TLL1: variants seen among roughly 807,000 people sequenced by gnomAD.
The protein encoded by TLL1 is tolloid like 1, also known as tolloid-like protein 1.
A neutral mutation model predicts 128.2 loss-of-function variants in TLL1; 49 were observed. That is an observed-to-expected ratio of 0.38 (90% CI 0.30 to 0.48). The LOEUF (loss-of-function observed/expected upper bound fraction) is 0.48. TLL1 is among the 20% of genes least tolerant of loss of function. The pLI is 0.96. For missense variants in TLL1, 1,123 were observed against 1,242.0 expected, an observed-to-expected ratio of 0.90 and a Z score of 1.44; for synonymous variants, 454 against 418.8, an observed-to-expected ratio of 1.08 and a Z score of -1.03.
At chr4:165,924,798 C>A (rs1484267600) in intron 1 of TLL1, among the ~76,000 whole-genome samples, 1 of 152,180 alleles carries the variant, frequency 6.6e-6, no homozygotes, top group Non-Finnish European at 1.5e-5. Flanking sequence ...GACAGGCTGA[C>A]TCTTTTGTTA....
intron 16 of TLL1, among the ~76,000 whole-genome samples, chr4:166,066,286 A>G: frequency 6.6e-6 from 1 of 151,674 alleles, no homozygotes; most frequent in East Asian, 1.9e-4. Context: ...TTATAATTTT[A>G]CTAAATATAA....
At chr4:165,893,166 A>G (rs1561010632) in intron 1 of TLL1, among the ~76,000 whole-genome samples, 1 of 152,222 alleles carries the variant, frequency 6.6e-6, no homozygotes, top group Non-Finnish European at 1.5e-5. Context: ...ATTTCTTGAT[A>G]TAGGACTACA....
chr4:165,883,540 C>T (rs974635087), intron 1 of TLL1, among the ~76,000 whole-genome samples: 24 of 152,048 alleles, frequency 1.6e-4, no homozygotes, highest in African/African-American at 5.8e-4. Flanking sequence ...ATATTATAAT[C>T]CTCATGATGT....
chr4:166,057,427 A>T, intron 14 of TLL1, 118 bp downstream of exon 14: 1 of 1,415,474 alleles, frequency 7.1e-7, no homozygotes, highest in South Asian at 1.2e-5. Context: ...TCTTTCCTCA[A>T]TTAGTAAGAC....
intron 18 of TLL1, among the ~76,000 whole-genome samples, chr4:166,078,529 C>G (rs1034406364): frequency 5.3e-5 from 8 of 152,090 alleles, no homozygotes; most frequent in African/African-American, 1.9e-4. Flanking sequence ...GTACAAAGAT[C>G]CTGATTTCCT....
At chr4:166,004,881 G>T (rs79383702) in intron 6 of TLL1, among the ~76,000 whole-genome samples, 1,930 of 151,992 alleles carry the variant, frequency 0.013, 42 homozygotes, top group African/African-American at 0.044. Context: ...AGCAGGAAAA[G>T]TTCAGATTAA....
At chr4:165,957,415 T>C (rs1579540730) in intron 1 of TLL1, among the ~76,000 whole-genome samples, 1 of 151,948 alleles carries the variant, frequency 6.6e-6, no homozygotes, top group Non-Finnish European at 1.5e-5. Context: ...ACTTCAGCAC[T>C]CCACTAACAG....
At chr4:166,007,008 T>C (rs1162693272) in intron 6 of TLL1, among the ~76,000 whole-genome samples, 1 of 151,766 alleles carries the variant, frequency 6.6e-6, no homozygotes, top group Non-Finnish European at 1.5e-5. Flanking sequence ...GTTCCATTTT[T>C]AGCTCCAAAA....
intron 1 of TLL1, among the ~76,000 whole-genome samples, chr4:165,981,130 T>C (rs975616626): frequency 6.6e-6 from 1 of 152,068 alleles, no homozygotes; most frequent in African/African-American, 2.4e-5. Flanking sequence ...CAGATGATAA[T>C]TGCCTTCTTC....
chr4:165,895,386 A>T (rs1731622029), intron 1 of TLL1, among the ~76,000 whole-genome samples: 1 of 152,166 alleles, frequency 6.6e-6, no homozygotes, highest in African/African-American at 2.4e-5. Context: ...AACTGCCAAA[A>T]TTGCCATTGA....
rs200095408 is a variant in TLL1, at chr4:165,925,005, C to CA, written c.169+50940dup. On this transcript the variant is annotated intron_variant, in intron 1 of 20. Coordinates refer to ENST00000061240, the MANE Select transcript of TLL1 (RefSeq NM_012464.5). ...AGTCCACTGTGGAGACTTACTGCTC[C>CA]AAAAAAAAGATTCTTTTCAAAATAT... 3.1e-3 allele frequency among the ~76,000 whole-genome samples: 465 copies of CA among 151,878 alleles called. 1 individual carries two copies. The highest frequency in any genetic ancestry group is 0.011 in the African/African-American group (447 of 41,440).
intron 15 of TLL1, among the ~76,000 whole-genome samples, chr4:166,064,847 C>A (rs1740498422): frequency 6.6e-6 from 1 of 152,004 alleles, no homozygotes; most frequent in Non-Finnish European, 1.5e-5. Flanking sequence ...GCAGAAGAAC[C>A]AGTAATTTGA....
At chr4:165,952,805 TA>T (rs200105665) in intron 1 of TLL1, among the ~76,000 whole-genome samples, 1 of 151,872 alleles carries the variant, frequency 6.6e-6, no homozygotes, top group Non-Finnish European at 1.5e-5. Flanking sequence ...GTCAAAAAAA[TA>T]AAAAAATTTA....
chr4:165,933,105 C>G (rs1579505344), intron 1 of TLL1, among the ~76,000 whole-genome samples: 1 of 152,176 alleles, frequency 6.6e-6, no homozygotes, highest in Non-Finnish European at 1.5e-5. Flanking sequence ...ATGTATTTTT[C>G]AAGCCTACTT....
chr4:165,985,055 T>C (rs2111002893), intron 1 of TLL1, among the ~76,000 whole-genome samples: 1 of 152,140 alleles, frequency 6.6e-6, no homozygotes, highest in Admixed American at 6.6e-5. Context: ...AAAATGTGTA[T>C]ATTGAAGACC....
rs1735875744 is a variant in TLL1 at position 165,976,121 on chromosome 4, C to T, written c.170-13260C>T. 2.7e-5 allele frequency among the ~76,000 whole-genome samples: 4 copies of T among 149,722 alleles called. No individual in the cohort carries two copies. In the South Asian group the frequency reaches 8.5e-4, roughly 32 times the overall value. On this transcript the variant is annotated intron_variant, in intron 1 of 20. Transcript: ENST00000061240. ...TTCAGTATTATGGTTTGGATTCTAG[C>T]ATTTAGCTAAAACACACATACACAC...
chr4:165,966,389 T>C (rs1735376584), intron 1 of TLL1, among the ~76,000 whole-genome samples: 1 of 152,098 alleles, frequency 6.6e-6, no homozygotes, highest in African/African-American at 2.4e-5. Flanking sequence ...AAATGCAGAT[T>C]TATGGGTTCT....
intron 1 of TLL1, among the ~76,000 whole-genome samples, chr4:165,978,592 A>G (rs1416575134): frequency 1.3e-5 from 2 of 152,166 alleles, no homozygotes; most frequent in Non-Finnish European, 2.9e-5. Context: ...GATACATTTC[A>G]ATGAGGATAT....
intron 12 of TLL1, among the ~76,000 whole-genome samples, chr4:166,046,961 A>AATTATCTGTTT (rs1739483882): frequency 6.6e-6 from 1 of 152,046 alleles, no homozygotes; most frequent in Admixed American, 6.5e-5. Context: ...TAATTTAGTC[A>AATTATCTGTTT]ATTATCTGTT....
Sources: gnomAD v4.1 joint callset for allele counts (sites outside exome capture counted in the v4.1 genomes callset) on GRCh38, gnomAD v4.1.1 for gene constraint, MANE v1.5 for transcripts, NCBI Gene and HGNC (gene_info 2026-07-23, HGNC 2026-07-21) for gene names.